The following SHTN1 variants were observed in gnomAD, a reference collection of about 807,000 sequenced individuals.
The protein encoded by SHTN1 is shootin 1, also known as shootin-1.
In SHTN1, 42 loss-of-function variants were observed where a neutral mutation model predicts 83.1. The observed-to-expected ratio is 0.51, with a 90% CI of 0.39 to 0.65. The LOEUF is 0.65. Among genes scored for constraint, SHTN1 ranks in the 30% least tolerant of loss-of-function variants. SHTN1 has a pLI of 0.00. For synonymous variants in SHTN1, 224 were observed against 247.7 expected (o/e 0.90, Z 0.90); for missense variants, 622 against 737.8 (o/e 0.84, Z 1.82).
At position 117,033,217 on chromosome 10, in the gene SHTN1, G is replaced by GA. The variant is rs1158239632; in HGVS notation, c.-123+15227dup. The stretch of plus-strand genomic sequence containing the variant: ...GAGCAGACATAAATGGAATTGAAAT[G>GA]AAAAAAATACAAAAGATTGATGAAA... On this transcript the variant is annotated intron_variant, in intron 2 of 17. Transcript: ENST00000392901. Among the ~76,000 whole-genome samples, 5 of 150,674 alleles carry GA rather than the reference G, an allele frequency of 3.3e-5. No individual in the cohort carries two copies. The South Asian group carries it at 8.3e-4, about 25-fold the overall frequency.
At chr10:117,002,443 T>C (rs938398974) in intron 1 of SHTN1, among the ~76,000 whole-genome samples, 1 of 152,148 alleles carries the variant, frequency 6.6e-6, no homozygotes. Flanking sequence ...ATTTGATAAA[T>C]AGTGGTTCTT....
chr10:117,036,333 T>G (rs1239665604), intron 2 of SHTN1, among the ~76,000 whole-genome samples: 1 of 152,194 alleles, frequency 6.6e-6, no homozygotes, highest in Non-Finnish European at 1.5e-5. Flanking sequence ...ATATCTGCAC[T>G]CTCATGTTTG....
chr10:116,948,274 A>G (rs746388920), intron 7 of SHTN1, among the ~76,000 whole-genome samples: 31 of 152,332 alleles, frequency 2.0e-4, no homozygotes, highest in Non-Finnish European at 3.4e-4. Flanking sequence ...TTCTCTGGAT[A>G]TAGCCACTGG....
At chr10:117,056,906 A>G (rs576055678) in intron 1 of SHTN1, among the ~76,000 whole-genome samples, 2 of 152,346 alleles carry the variant, frequency 1.3e-5, no homozygotes, top group Admixed American at 1.3e-4. Context: ...AAAAGCATCT[A>G]TAAAAATCCT....
At chr10:117,120,271 T>C (rs1033424673) in intron 1 of SHTN1, among the ~76,000 whole-genome samples, 1 of 149,922 alleles carries the variant, frequency 6.7e-6, no homozygotes, top group Non-Finnish European at 1.5e-5. Context: ...TTTTTGAGAC[T>C]GAGTCTCGCT....
intron 8 of SHTN1, among the ~76,000 whole-genome samples, chr10:116,943,846 A>C (rs1015767543): frequency 6.6e-6 from 1 of 152,172 alleles, no homozygotes; most frequent in African/African-American, 2.4e-5. Flanking sequence ...CACAAATTCA[A>C]ACTACACCCA....
rs1849881774 is a variant in SHTN1 at position 116,953,931 on chromosome 10, G to A, written c.436+111C>T. 3.3e-6 allele frequency: 3 copies of A among 919,902 alleles called. No individual in the cohort carries two copies. The South Asian group carries it at 6.0e-5, about 19-fold the overall frequency. 57.0% of individuals were successfully genotyped at this position (919,902 alleles called of 1,614,324 possible). A position where few individuals can be genotyped will look rare whatever the true frequency, so the allele number is the denominator to read the frequency against. On this transcript the variant is annotated intron_variant, in intron 5 of 16. Transcript: ENST00000355371. ...GGCGTGAGCCACCACGCCCTGCCTA[G>A]GCATCAGTATTTTGAAAGCTTCCCA...
chr10:117,109,553 CTTTTTTTTTTTTT>C (rs374713015), intron 1 of SHTN1, among the ~76,000 whole-genome samples: 791 of 42,980 alleles, frequency 0.018, 26 homozygotes, highest in Middle Eastern at 0.038. Flanking sequence ...ACATATATTA[CTTTTTTTTTTTTT>C]TTTTTTTTTT....
At chr10:117,052,785 T>G (rs1852766197) in intron 1 of SHTN1, among the ~76,000 whole-genome samples, 1 of 151,510 alleles carries the variant, frequency 6.6e-6, no homozygotes, top group Admixed American at 6.6e-5. Context: ...TTTGGGAGGC[T>G]GAGGCAGGTG....
chr10:116,930,193 A>T (rs1015182142), intron 9 of SHTN1, among the ~76,000 whole-genome samples, 191 bp from the exon 10 acceptor site: 9 of 152,228 alleles, frequency 5.9e-5, no homozygotes, highest in African/African-American at 1.9e-4. Flanking sequence ...GAGCTGATTT[A>T]AAATAAATTT....
intron 1 of SHTN1, among the ~76,000 whole-genome samples, chr10:117,085,299 C>A (rs1447210121): frequency 1.3e-5 from 2 of 152,128 alleles, no homozygotes; most frequent in African/African-American, 2.4e-5. Flanking sequence ...TCCCTCTGAA[C>A]ACTGCTTTTA....
Position 116,886,327 on chromosome 10 carries a change from G to A in SHTN1, c.*17C>T. 6.4e-7 allele frequency: 1 copy of A among 1,552,170 alleles called. No homozygotes were observed. The highest frequency in any genetic ancestry group is 8.7e-7 in the Non-Finnish European group (1 of 1,147,120). ...TTGAAAAGGACTTCCAAACATGTCA[G>A]GCTTCTGGTTTATGGATCAGCAGTT... is the stretch of plus-strand genomic sequence containing the variant. On this transcript the variant is annotated 3_prime_UTR_variant, in exon 17 of 17. Coordinates refer to ENST00000355371, the MANE Select transcript of SHTN1 (RefSeq NM_001127211.3).
intron 16 of SHTN1, among the ~76,000 whole-genome samples, chr10:116,888,383 T>C (rs1165047085): frequency 1.3e-5 from 2 of 152,196 alleles, no homozygotes; most frequent in Non-Finnish European, 2.9e-5. Context: ...ATATTAAGGA[T>C]TGATCAGAGG....
At chr10:117,093,939 C>G (rs916496911) in intron 1 of SHTN1, among the ~76,000 whole-genome samples, 6 of 152,162 alleles carry the variant, frequency 3.9e-5, no homozygotes, top group Non-Finnish European at 5.9e-5. Context: ...AAACATGGAG[C>G]TTCCTGGAGA....
intron 1 of SHTN1, among the ~76,000 whole-genome samples, chr10:117,057,282 G>C (rs751387531): frequency 4.8e-4 from 73 of 152,286 alleles, no homozygotes; most frequent in Admixed American, 9.2e-4. Flanking sequence ...TATTAGCTCA[G>C]CAGCAGCTAT....
chr10:116,890,504 A>G (rs2133301971), intron 16 of SHTN1, among the ~76,000 whole-genome samples: 1 of 152,282 alleles, frequency 6.6e-6, no homozygotes, highest in East Asian at 1.9e-4. Flanking sequence ...TCTTACCACA[A>G]CATACTGGTT....
At chr10:117,033,992 ACT>A (rs1852458269) in intron 2 of SHTN1, among the ~76,000 whole-genome samples, 1 of 152,140 alleles carries the variant, frequency 6.6e-6, no homozygotes, top group African/African-American at 2.4e-5. Context: ...CATGAGAAAA[ACT>A]CTAAAAAACC....
chr10:116,907,260 C>T (rs1037832454), intron 14 of SHTN1, among the ~76,000 whole-genome samples: 1 of 152,142 alleles, frequency 6.6e-6, no homozygotes, highest in Admixed American at 6.5e-5. Flanking sequence ...ACATAATGCT[C>T]TCCAGGGGCC....
At chr10:116,936,661 G>A (rs535008601) in intron 9 of SHTN1, among the ~76,000 whole-genome samples, 1 of 152,218 alleles carries the variant, frequency 6.6e-6, no homozygotes, top group South Asian at 2.1e-4. Flanking sequence ...GGATGGAGAG[G>A]TCTGTAGATG....
Sources: gnomAD v4.1 joint callset for allele counts (sites outside exome capture counted in the v4.1 genomes callset) on GRCh38, gnomAD v4.1.1 for gene constraint, MANE v1.5 for transcripts, NCBI Gene and HGNC (gene_info 2026-07-23, HGNC 2026-07-21) for gene names.